MGLL: variants seen among roughly 807,000 people sequenced by gnomAD.
The protein encoded by MGLL is monoglyceride lipase.
Under a neutral mutation model 29.1 loss-of-function variants are expected in MGLL, and 7 were observed. That is an observed-to-expected ratio of 0.24 (90% CI 0.14 to 0.45). The LOEUF (loss-of-function observed/expected upper bound fraction) is 0.45, where lower values mean the gene tolerates loss of function less well. Among genes scored for constraint, MGLL ranks in the 20% least tolerant of loss-of-function variants. The probability of loss-of-function intolerance (pLI) is 0.99; values close to 1 mark genes in which losing one functional copy is unlikely to be tolerated. For synonymous variants in MGLL, 148 were observed against 168.3 expected (o/e 0.88, Z 0.93); for missense variants, 356 against 413.6 (o/e 0.86, Z 1.21).
chr3:127,816,477 C>T (rs752029720), intron 2 of MGLL, among the ~76,000 whole-genome samples: 6 of 152,174 alleles, frequency 3.9e-5, no homozygotes, highest in South Asian at 2.1e-4. Flanking sequence ...TGTTCACCTC[C>T]GGATGGATCC....
chr3:127,693,202 C>T (rs890483333), intron 7 of MGLL, among the ~76,000 whole-genome samples: 2 of 152,214 alleles, frequency 1.3e-5, no homozygotes, highest in African/African-American at 4.8e-5. Flanking sequence ...CTCCTCATTA[C>T]TGCAAGCCCA....
chr3:127,751,102 G>A (rs951411889), intron 3 of MGLL, among the ~76,000 whole-genome samples: 3 of 152,272 alleles, frequency 2.0e-5, no homozygotes, highest in African/African-American at 7.2e-5. Flanking sequence ...AGACATCCCT[G>A]GGATGGAGAA....
chr3:127,785,237 C>T (rs531306646), intron 2 of MGLL, among the ~76,000 whole-genome samples: 1 of 152,286 alleles, frequency 6.6e-6, no homozygotes, highest in East Asian at 1.9e-4. Context: ...ACTGTTGCCG[C>T]TCCCTCCTCT....
intron 3 of MGLL, among the ~76,000 whole-genome samples, chr3:127,753,414 G>T (rs1482843636): frequency 6.6e-6 from 1 of 152,232 alleles, no homozygotes; most frequent in Admixed American, 6.5e-5. Context: ...TCAGGGCTTA[G>T]GTGTGAGGCC....
At chr3:127,771,045 C>G (rs974684740) in intron 3 of MGLL, among the ~76,000 whole-genome samples, 3 of 152,350 alleles carry the variant, frequency 2.0e-5, no homozygotes, top group Non-Finnish European at 2.9e-5. Context: ...CCAATTTCCT[C>G]TTTCTCTTTA....
At chr3:127,751,430 G>A (rs2076556824) in intron 3 of MGLL, among the ~76,000 whole-genome samples, 1 of 151,428 alleles carries the variant, frequency 6.6e-6, no homozygotes, top group South Asian at 2.1e-4. Context: ...CTGCCACCAG[G>A]TGAACAAGCC....
At chr3:127,793,846 G>A (rs946692201) in intron 2 of MGLL, among the ~76,000 whole-genome samples, 2 of 152,222 alleles carry the variant, frequency 1.3e-5, no homozygotes, top group Admixed American at 1.3e-4. Context: ...ACAGGCGTGA[G>A]CCACTGCGCC....
intron 3 of MGLL, among the ~76,000 whole-genome samples, chr3:127,751,220 A>T (rs2076551981): frequency 6.6e-6 from 1 of 152,086 alleles, no homozygotes; most frequent in South Asian, 2.1e-4. Context: ...GACTGCAAAA[A>T]TGGCTTCAAC....
At chr3:127,736,348 GTCAGGA>G (rs1270727284) in intron 3 of MGLL, 6 of 985,846 alleles carry the variant, frequency 6.1e-6, no homozygotes, top group Non-Finnish European at 7.2e-6. Context: ...AACAGCTGAA[GTCAGGA>G]TCCCAGAGCT....
chr3:127,756,520 C>T (rs1177984614), intron 3 of MGLL, among the ~76,000 whole-genome samples: 2 of 152,170 alleles, frequency 1.3e-5, no homozygotes, highest in Non-Finnish European at 1.5e-5. Context: ...CCCCGATCAG[C>T]CCTGGTGCTT....
intron 2 of MGLL, among the ~76,000 whole-genome samples, chr3:127,783,300 G>A (rs930049046): frequency 2.6e-5 from 4 of 152,162 alleles, no homozygotes; most frequent in Admixed American, 6.5e-5. Context: ...CAGGACAGAC[G>A]CTGCCTCGGC....
At chr3:127,727,528 T>C (rs4974414) in intron 3 of MGLL, among the ~76,000 whole-genome samples, 40,230 of 151,532 alleles carry the variant, frequency 0.27, 5,470 homozygotes, top group Middle Eastern at 0.5. Context: ...CCTGGGCAAC[T>C]TGGCAAAACC....
At chr3:127,821,389 C>T (rs575867508) in intron 2 of MGLL, among the ~76,000 whole-genome samples, 10 of 152,176 alleles carry the variant, frequency 6.6e-5, no homozygotes, top group Non-Finnish European at 1.0e-4. Context: ...TAAATGAATG[C>T]CTGTACAACC....
At chr3:127,785,156 C>A (rs904395458) in intron 2 of MGLL, among the ~76,000 whole-genome samples, 1 of 152,132 alleles carries the variant, frequency 6.6e-6, no homozygotes, top group African/African-American at 2.4e-5. Context: ...CACCTCACCC[C>A]CTGTGAGCAC....
chr3:127,822,591 A>G (rs930784428), upstream of MGLL: 2 of 502,588 alleles, frequency 4.0e-6, no homozygotes, highest in Non-Finnish European at 7.0e-6. Flanking sequence ...CACTTTTCCT[A>G]AACAAATCGC....
chr3:127,806,946 T>G (rs909840635), intron 2 of MGLL, among the ~76,000 whole-genome samples: 48 of 152,322 alleles, frequency 3.2e-4, no homozygotes, highest in African/African-American at 1.1e-3. Flanking sequence ...AATACTGACC[T>G]TTAGTTTTCT....
intron 6 of MGLL, among the ~76,000 whole-genome samples, chr3:127,695,479 C>G (rs562980496): frequency 3.7e-4 from 56 of 152,336 alleles, no homozygotes; most frequent in Non-Finnish European, 4.4e-4. Flanking sequence ...AATCCCAGAA[C>G]TTTGGGAAGC....
intron 2 of MGLL, among the ~76,000 whole-genome samples, chr3:127,804,121 A>G (rs886286363): frequency 3.3e-5 from 5 of 152,280 alleles, no homozygotes; most frequent in Admixed American, 6.5e-5. Context: ...AATAGCCGCT[A>G]TGAAAATCAC....
intron 7 of MGLL, among the ~76,000 whole-genome samples, chr3:127,694,614 T>C (rs913994539): frequency 2.6e-5 from 4 of 152,050 alleles, no homozygotes; most frequent in African/African-American, 9.7e-5. Flanking sequence ...CTACCACTGG[T>C]GCAGAGGGAG....
Sources: gnomAD v4.1 joint callset for allele counts (sites outside exome capture counted in the v4.1 genomes callset) on GRCh38, gnomAD v4.1.1 for gene constraint, MANE v1.5 for transcripts, NCBI Gene and HGNC (gene_info 2026-07-23, HGNC 2026-07-21) for gene names.